Variants in MAN1C1 observed in about 807,000 individuals in gnomAD.
The protein encoded by MAN1C1 is mannosyl-oligosaccharide 1,2-alpha-mannosidase IC.
MAN1C1 carries 49 observed loss-of-function variants against 71.5 expected under a neutral mutation model. That is an observed-to-expected ratio of 0.69 (90% confidence interval 0.54 to 0.87). The LOEUF is 0.87. Ranked by LOEUF, MAN1C1 falls within the 40% of genes least tolerant of loss-of-function variation. The pLI is 0.00. For synonymous variants in MAN1C1, 352 were observed against 343.7 expected, an observed-to-expected ratio of 1.02 and a Z score of -0.27; for missense variants, 743 against 835.0, an observed-to-expected ratio of 0.89 and a Z score of 1.36.
chr1:25,780,418 G>GA (rs1292225901), intron 9 of MAN1C1, among the ~76,000 whole-genome samples: 2 of 151,990 alleles, frequency 1.3e-5, no homozygotes, highest in African/African-American at 4.8e-5. Context: ...CCAAACTCTC[G>GA]AAGTTTGTTC....
chr1:25,728,649 C>T (rs564087282), intron 2 of MAN1C1, among the ~76,000 whole-genome samples: 4 of 152,236 alleles, frequency 2.6e-5, no homozygotes, highest in African/African-American at 4.8e-5. Flanking sequence ...AAGATTGCCT[C>T]GGCCTTGGAA....
At chr1:25,771,623 G>A (rs2047552877) in intron 7 of MAN1C1, 34 bp from the exon 8 acceptor site, 1 of 1,536,790 alleles carries the variant, frequency 6.5e-7, no homozygotes, top group South Asian at 1.1e-5. Context: ...GGCGGCAGAT[G>A]GAGATAATGT....
chr1:25,669,653 C>T (rs1029793401), intron 1 of MAN1C1, among the ~76,000 whole-genome samples: 1 of 152,038 alleles, frequency 6.6e-6, no homozygotes, highest in Non-Finnish European at 1.5e-5. Context: ...ACACCTGCTA[C>T]TTGGAAGTCC....
chr1:25,644,521 T>A (rs910859777), intron 1 of MAN1C1: 143 of 114,060 alleles, frequency 1.3e-3, no homozygotes, highest in African/African-American at 4.2e-3. Flanking sequence ...TATATATATT[T>A]TTTTTTTTTT....
intron 1 of MAN1C1, among the ~76,000 whole-genome samples, chr1:25,641,242 G>GGC (rs1294840781): frequency 2.6e-5 from 4 of 152,170 alleles, no homozygotes; most frequent in Non-Finnish European, 5.9e-5. Context: ...ACAGCCTTGC[G>GGC]GCATACAGAG....
At chr1:25,636,456 T>G (rs971255982) in intron 1 of MAN1C1, among the ~76,000 whole-genome samples, 14 of 152,218 alleles carry the variant, frequency 9.2e-5, no homozygotes, top group African/African-American at 2.9e-4. Context: ...GAAAAGAATT[T>G]AGCGATATCT....
At chr1:25,772,017 G>A in intron 8 of MAN1C1, 1 of 476,572 alleles carries the variant, frequency 2.1e-6, no homozygotes, top group Non-Finnish European at 3.7e-6. Context: ...TCTGGGAGGT[G>A]AAGTCATTTA....
At chr1:25,642,544 A>G (rs758530716) in intron 1 of MAN1C1, among the ~76,000 whole-genome samples, 1 of 152,228 alleles carries the variant, frequency 6.6e-6, no homozygotes, top group Non-Finnish European at 1.5e-5. Context: ...CCAGGGCTTA[A>G]TGATGGTCCC....
chr1:25,752,864 C>G (rs1314117139), intron 4 of MAN1C1, among the ~76,000 whole-genome samples: 1 of 152,196 alleles, frequency 6.6e-6, no homozygotes, highest in East Asian at 1.9e-4. Flanking sequence ...GATGTCAAAG[C>G]GGGACAGGCC....
At chr1:25,639,716 A>T (rs1351712301) in intron 1 of MAN1C1, among the ~76,000 whole-genome samples, 1 of 152,206 alleles carries the variant, frequency 6.6e-6, no homozygotes, top group Non-Finnish European at 1.5e-5. Flanking sequence ...AGGTTTTTGC[A>T]TAATTTAGAT....
At chr1:25,658,100 G>A (rs1340806181) in intron 1 of MAN1C1, among the ~76,000 whole-genome samples, 2 of 152,336 alleles carry the variant, frequency 1.3e-5, no homozygotes, top group Non-Finnish European at 1.5e-5. Flanking sequence ...CTCTCTGGGA[G>A]CCCCTGGTCC....
At chr1:25,721,638 C>T (rs148709884) in intron 2 of MAN1C1, among the ~76,000 whole-genome samples, 13 of 152,304 alleles carry the variant, frequency 8.5e-5, no homozygotes, top group African/African-American at 3.1e-4. Flanking sequence ...CCTTGCTGAA[C>T]TCATTCATCA....
At chr1:25,650,402 T>C (rs1376269005) in intron 1 of MAN1C1, among the ~76,000 whole-genome samples, 2 of 152,196 alleles carry the variant, frequency 1.3e-5, no homozygotes, top group Non-Finnish European at 2.9e-5. Context: ...TATTACCAAA[T>C]ACAGTGTCCA....
chr1:25,694,625 G>A lies in MAN1C1; in HGVS notation c.637+8089G>A, dbSNP rs115666131. 9.7e-3 allele frequency among the ~76,000 whole-genome samples: 1,484 copies of A among 152,340 alleles called. 27 individuals carry two copies. The highest frequency in any genetic ancestry group is 0.032 in the African/African-American group (1,319 of 41,568). On this transcript the variant is annotated intron_variant, in intron 2 of 11. Transcript: ENST00000374332. ...CATTTTTACAATTGCTTTTTGGCGT[G>A]TGACTTAGTAGTGCCTTCTGCAAAC...
chr1:25,635,368 A>G (rs771637115), intron 1 of MAN1C1, among the ~76,000 whole-genome samples: 51 of 150,472 alleles, frequency 3.4e-4, no homozygotes, highest in African/African-American at 4.2e-4. Flanking sequence ...AAATTTGTCT[A>G]TTTCATCTAA....
rs183518370 is a variant in MAN1C1 at position 25,688,073 on chromosome 1, A to G, written c.637+1537A>G. 3.3e-5 allele frequency among the ~76,000 whole-genome samples: 5 copies of G among 152,254 alleles called. No individual in the cohort carries two copies. In the East Asian group the frequency reaches 9.6e-4, roughly 29 times the overall value. ...CCATAATTCATTTAACTATCTTGCT[A>G]ATGTTGGGTAAAGATTGTTTCCATT... On this transcript the variant is annotated intron_variant, in intron 2 of 11. Coordinates refer to ENST00000374332, the MANE Select transcript of MAN1C1 (RefSeq NM_020379.4).
At chr1:25,661,552 C>G (rs1385291533) in intron 1 of MAN1C1, among the ~76,000 whole-genome samples, 1 of 152,216 alleles carries the variant, frequency 6.6e-6, no homozygotes, top group Admixed American at 6.5e-5. Flanking sequence ...ATCTTTCAAC[C>G]TCACACCAAA....
chr1:25,740,468 G>C (rs550442724), intron 2 of MAN1C1, among the ~76,000 whole-genome samples: 37 of 152,154 alleles, frequency 2.4e-4, no homozygotes, highest in Admixed American at 2.1e-3. Flanking sequence ...ACGGAGTCTC[G>C]CTCTGTCACC....
chr1:25,687,115 G>A (rs1417081943), intron 2 of MAN1C1, among the ~76,000 whole-genome samples: 2 of 152,106 alleles, frequency 1.3e-5, no homozygotes, highest in East Asian at 3.8e-4. Flanking sequence ...ATTTCAAAAC[G>A]ACAACAGCAG....
Sources: allele counts gnomAD v4.1 joint callset (sites outside exome capture counted in the v4.1 genomes callset), GRCh38; gene constraint gnomAD v4.1.1; transcripts MANE v1.5; gene names NCBI Gene and HGNC (gene_info 2026-07-23, HGNC 2026-07-21).